Variants in EPHB1 observed in about 807,000 individuals in gnomAD.
EPHB1 encodes ephrin type-B receptor 1.
EPHB1 carries 30 observed loss-of-function variants against 94.4 expected under a neutral mutation model. The observed-to-expected ratio is 0.32, with a 90% CI of 0.24 to 0.43. The LOEUF is 0.43. EPHB1 is among the 20% of genes least tolerant of loss of function. The pLI, the probability that EPHB1 is intolerant of heterozygous loss-of-function variation, is 1.00. For synonymous variants in EPHB1, 522 were observed against 489.1 expected (o/e 1.07, Z -0.89); for missense variants, 1,055 against 1,308.3 (o/e 0.81, Z 2.99).
chr3:135,203,784 T>C (rs893228145), intron 12 of EPHB1, among the ~76,000 whole-genome samples: 8 of 152,216 alleles, frequency 5.3e-5, no homozygotes, highest in African/African-American at 1.9e-4. Context: ...TGCCTATTCC[T>C]CTGTGATCTG....
Position 135,166,065 on chromosome 3 carries a change from C to T in EPHB1, c.1683C>T (p.Ile561=), listed in dbSNP as rs192495343. ...TTGTGTCCTTGGTGGCCATCTCTAT[C>T]GTCTGTAGCAGGTAGGTCCTCCACT... ...VFVVSLVAIS[I]VCSRKRAYSK... The change falls in exon 8 of 16, where the codon ATC becomes ATT. Residue 561 remains isoleucine (I), a synonymous_variant. Transcript: ENST00000398015. The T allele has an allele frequency of 1.0e-3, 1,655 of 1,613,622 alleles. 5 individuals carry two copies. The highest frequency in any genetic ancestry group is 8.3e-4 in the South Asian group (76 of 91,074).
chr3:134,911,162 T>C (rs1444945458), intron 1 of EPHB1, among the ~76,000 whole-genome samples: 1 of 152,212 alleles, frequency 6.6e-6, no homozygotes, highest in African/African-American at 2.4e-5. Flanking sequence ...GAAAGGCTCA[T>C]TGGCCATCAG....
intron 1 of EPHB1, among the ~76,000 whole-genome samples, chr3:134,888,127 C>T (rs2037895475): frequency 6.6e-6 from 1 of 152,142 alleles, no homozygotes; most frequent in Non-Finnish European, 1.5e-5. Flanking sequence ...GAGGGAATCC[C>T]TTCTGAGGGT....
At chr3:134,947,470 T>C (rs1245751854) in intron 2 of EPHB1, among the ~76,000 whole-genome samples, 1 of 152,230 alleles carries the variant, frequency 6.6e-6, no homozygotes, top group Non-Finnish European at 1.5e-5. Context: ...TATGATGGCC[T>C]TTTCCCAACA....
chr3:134,854,908 G>T (rs2108301220), intron 1 of EPHB1, among the ~76,000 whole-genome samples: 1 of 103,278 alleles, frequency 9.7e-6, no homozygotes, highest in African/African-American at 2.6e-5. Flanking sequence ...ATATAGAAAA[G>T]TATAAAGAAA....
intron 9 of EPHB1, 83 bp downstream of exon 9, chr3:135,167,089 C>A: frequency 2.0e-6 from 3 of 1,509,596 alleles, no homozygotes; most frequent in Non-Finnish European, 2.7e-6. Context: ...CTCTTTATAG[C>A]CAGACTGGCT....
chr3:134,795,957 C>T (rs1395119607), intron 1 of EPHB1, among the ~76,000 whole-genome samples: 1 of 152,348 alleles, frequency 6.6e-6, no homozygotes, highest in East Asian at 1.9e-4. Context: ...GCCTCGGTCT[C>T]CCGCAGCCCC....
chr3:134,907,412 T>G (rs2038355512), intron 1 of EPHB1, among the ~76,000 whole-genome samples: 6 of 152,192 alleles, frequency 3.9e-5, no homozygotes, highest in Admixed American at 3.9e-4. Context: ...AAGTGCTTGG[T>G]GAAACATAAA....
At chr3:135,161,635 T>C (rs893968093) in intron 6 of EPHB1, among the ~76,000 whole-genome samples, 4 of 152,220 alleles carry the variant, frequency 2.6e-5, no homozygotes, top group African/African-American at 9.6e-5. Context: ...AGATGGATGT[T>C]GCCTAGTTTG....
At chr3:134,804,760 G>A (rs1364351490) in intron 1 of EPHB1, among the ~76,000 whole-genome samples, 1 of 152,232 alleles carries the variant, frequency 6.6e-6, no homozygotes, top group African/African-American at 2.4e-5. Flanking sequence ...GCCAGGTGCA[G>A]ACTTACGACA....
In EPHB1 at chr3:134,795,677, G is replaced by A; in HGVS notation, c.46G>A (p.Ala16Thr). 1 of 1,610,068 alleles carries A rather than the reference G, an allele frequency of 6.2e-7. No homozygotes were observed. The highest frequency in any genetic ancestry group is 8.5e-7 in the Non-Finnish European group (1 of 1,178,408). The change falls in exon 1 of 16, where the codon GCT becomes ACT. Residue 16 changes from alanine (A) to threonine (T), a missense_variant. Ala to Thr is a moderately conservative substitution (Grantham distance 58). Transcript: ENST00000398015. ...ACTGCTCCTCCTGGCATCCGCAGTG[G>A]CTGCGATGGAAGGTAACGTACCCTC... ...LLLLLLASAV[A>T]AMEETLMDTR...
intron 3 of EPHB1, among the ~76,000 whole-genome samples, chr3:134,963,016 G>T (rs1027634816): frequency 2.6e-5 from 4 of 151,978 alleles, no homozygotes; most frequent in African/African-American, 9.7e-5. Context: ...TTTGGTTTTT[G>T]TCCCCCTGCT....
rs759597162 is a variant in EPHB1 at position 135,167,016 on chromosome 3, A to T, written c.1759+10A>T. 6.2e-7 allele frequency: 1 copy of T among 1,613,884 alleles called. No homozygotes were observed. Among genetic ancestry groups the T allele is most frequent in the Non-Finnish European group, 8.5e-7 (1 of 1,179,920 alleles). Reference sequence around the variant, plus strand: ...TACAGCACAGGCCGAGGTAAGTAGAAAGCAGAGACCCGGTGTCTGACCCCC... The same window carrying T: ...TACAGCACAGGCCGAGGTAAGTAGATAGCAGAGACCCGGTGTCTGACCCCC... On this transcript the variant is annotated intron_variant, in intron 9 of 15. Transcript: ENST00000398015.
chr3:134,936,107 A>G (rs2038996043), intron 2 of EPHB1, among the ~76,000 whole-genome samples: 1 of 152,184 alleles, frequency 6.6e-6, no homozygotes. Context: ...ACACAGACTC[A>G]CAGACTGTTG....
chr3:134,979,694 T>C (rs1934333343), intron 3 of EPHB1, among the ~76,000 whole-genome samples: 1 of 152,128 alleles, frequency 6.6e-6, no homozygotes, highest in Non-Finnish European at 1.5e-5. Context: ...TAAACTATGA[T>C]GTTAGGTGTA....
chr3:134,895,166 C>G (rs1365794558), intron 1 of EPHB1, among the ~76,000 whole-genome samples: 1 of 152,142 alleles, frequency 6.6e-6, no homozygotes, highest in Non-Finnish European at 1.5e-5. Context: ...ACCCCAGTGC[C>G]CTCTGCTTTT....
intron 3 of EPHB1, chr3:135,067,428 A>C (rs934763072): frequency 6.6e-6 from 1 of 151,928 alleles, no homozygotes; most frequent in African/African-American, 2.4e-5. Context: ...ACCTAGGAGG[A>C]TTATGGCTGC....
chr3:134,895,301 C>G (rs577396191), intron 1 of EPHB1, among the ~76,000 whole-genome samples: 15 of 152,264 alleles, frequency 9.9e-5, no homozygotes, highest in Admixed American at 9.8e-4. Flanking sequence ...TATTTGCTGG[C>G]TCACCAGATA....
chr3:135,077,761 A>G lies in EPHB1; in HGVS notation c.806-28687A>G, dbSNP rs148691386. 2.0e-3 allele frequency among the ~76,000 whole-genome samples: 298 copies of G among 152,284 alleles called. 4 individuals carry two copies. Among genetic ancestry groups the G allele is most frequent in the African/African-American group, 6.9e-3 (287 of 41,564 alleles). On this transcript the variant is annotated intron_variant, in intron 3 of 15. Transcript: ENST00000398015. ...AGGCCCATTCCAGGGCCACAACCCA[A>G]TGACTGGAAGTAGGAAGCTCAGGAG...
Sources: gnomAD v4.1 joint callset for allele counts (sites outside exome capture counted in the v4.1 genomes callset) on GRCh38, gnomAD v4.1.1 for gene constraint, MANE v1.5 for transcripts, NCBI Gene and HGNC (gene_info 2026-07-23, HGNC 2026-07-21) for gene names.